Variants in SLC25A25 observed in about 807,000 individuals in gnomAD.
SLC25A25 encodes the protein mitochondrial adenyl nucleotide antiporter SLC25A25.
Under a neutral mutation model 57.7 loss-of-function variants are expected in SLC25A25, and 32 were observed. The ratio of observed to expected loss-of-function variants is 0.55; its 90% confidence interval spans 0.42 to 0.74. SLC25A25 has a LOEUF of 0.74. SLC25A25 is among the 30% of genes least tolerant of loss of function. The pLI, the probability that SLC25A25 is intolerant of heterozygous loss-of-function variation, is 0.00. For missense variants in SLC25A25, 556 were observed against 701.3 expected (o/e 0.79, Z 2.34); for synonymous variants, 306 against 291.2 (o/e 1.05, Z -0.52).
intron 1 of SLC25A25, among the ~76,000 whole-genome samples, chr9:128,083,941 T>A (rs1468596168): frequency 6.6e-6 from 1 of 152,212 alleles, no homozygotes; most frequent in Non-Finnish European, 1.5e-5. Flanking sequence ...TAAGACTCCC[T>A]TGGGCATCTC....
At chr9:128,091,313 C>A in intron 1 of SLC25A25, 2 of 463,090 alleles carry the variant, frequency 4.3e-6, no homozygotes, top group Non-Finnish European at 5.7e-6. Context: ...TGCAGAATTG[C>A]CGGGCTTCAT....
chr9:128,078,637 C>T (rs760712812), intron 1 of SLC25A25, among the ~76,000 whole-genome samples: 13 of 152,210 alleles, frequency 8.5e-5, no homozygotes, highest in Non-Finnish European at 1.6e-4. Flanking sequence ...TCTCAGAAGC[C>T]GTGGATCGTC....
Position 128,099,294 on chromosome 9 carries a change from G to A in SLC25A25, c.262-1802G>A. 7.8e-7 allele frequency: 1 copy of A among 1,282,754 alleles called. No individual in the cohort carries two copies. Among genetic ancestry groups the A allele is most frequent in the Non-Finnish European group, 1.0e-6 (1 of 986,402 alleles). The allele number at this position is 1,282,754 out of a possible 1,614,324, so 79.5% of individuals were successfully genotyped here. On this transcript the variant is annotated intron_variant, in intron 1 of 10. Coordinates refer to ENST00000373069, the MANE Select transcript of SLC25A25 (RefSeq NM_001330988.2). This position sits in a 1 kb window ranked among gnomAD's most constrained non-coding sequence, Gnocchi z 6.8. ...CCCCAGTGCCCACTGTGCACCAAGG[G>A]GGATTTGCAGATCCAAGGAAGGAGA...
intron 1 of SLC25A25, chr9:128,098,802 A>G: frequency 1.3e-6 from 2 of 1,555,230 alleles, no homozygotes; most frequent in Non-Finnish European, 1.7e-6. Context: ...GCATGCATGA[A>G]CCATCCCCCA....
chr9:128,075,737 G>A (rs1292881526), intron 1 of SLC25A25, among the ~76,000 whole-genome samples: 5 of 152,002 alleles, frequency 3.3e-5, no homozygotes, highest in Non-Finnish European at 5.9e-5. Context: ...CCAGCTACTC[G>A]GGAGGCTGAG....
chr9:128,105,273 C>T (rs753364034), intron 6 of SLC25A25, among the ~76,000 whole-genome samples: 24 of 149,078 alleles, frequency 1.6e-4, no homozygotes, highest in Admixed American at 4.1e-4. Flanking sequence ...CGGATTCAAG[C>T]GATTCTCCTG....
rs1475263132 is a variant in SLC25A25 at position 128,108,303 on chromosome 9, C to T, written c.*859C>T. 8 of 398,912 alleles carry T rather than the reference C, an allele frequency of 2.0e-5. No individual in the cohort carries two copies. Among genetic ancestry groups the T allele is most frequent in the Admixed American group, 4.4e-5 (1 of 22,710 alleles). The allele number at this position is 398,912 out of a possible 1,614,324, so 24.7% of individuals were successfully genotyped here. A position where few individuals can be genotyped will look rare whatever the true frequency, so the allele number is the denominator to read the frequency against. ...GGAGGGAAGGAAAAGGTGTTGGAGGCCTTAATTATGGACTGTTGGGAAAAG... is the reference window on the plus strand; with the variant it reads ...GGAGGGAAGGAAAAGGTGTTGGAGGTCTTAATTATGGACTGTTGGGAAAAG... On this transcript the variant is annotated 3_prime_UTR_variant, in exon 11 of 11. Coordinates refer to ENST00000373069, the MANE Select transcript of SLC25A25 (RefSeq NM_001330988.2).
chr9:128,092,619 G>A (rs540489542), intron 1 of SLC25A25, among the ~76,000 whole-genome samples: 6 of 152,206 alleles, frequency 3.9e-5, no homozygotes, highest in African/African-American at 9.6e-5. Flanking sequence ...GTCATGAGGC[G>A]CAGAGGCTGG....
chr9:128,104,828 A>G (rs1035842229), intron 6 of SLC25A25, among the ~76,000 whole-genome samples: 1 of 107,778 alleles, frequency 9.3e-6, no homozygotes, highest in African/African-American at 3.6e-5. Context: ...TTTGATTTTT[A>G]AAAATTATTA....
intron 1 of SLC25A25, among the ~76,000 whole-genome samples, chr9:128,079,549 A>G (rs1307751142): frequency 1.4e-5 from 2 of 146,388 alleles, no homozygotes; most frequent in African/African-American, 5.1e-5. Flanking sequence ...ACTTGAGGTC[A>G]GGAGTTCGAG....
At position 128,103,779 on chromosome 9, in the gene SLC25A25, G is replaced by A; in HGVS notation, c.723G>A (p.Gly241=). 6.2e-7 allele frequency: 1 copy of A among 1,613,892 alleles called. No homozygotes were observed. The highest frequency in any genetic ancestry group is 8.5e-7 in the Non-Finnish European group (1 of 1,179,916). ...GGAGACACCTGGTGGCAGGAGGTGGGGCAGGGGCCGTATCCAGAACCTGCA... is the reference window on the plus strand; with the variant it reads ...GGAGACACCTGGTGGCAGGAGGTGGAGCAGGGGCCGTATCCAGAACCTGCA... ...MWWRHLVAGG[G]AGAVSRTCTA... The change falls in exon 6 of 11, where the codon GGG becomes GGA. Residue 241 remains glycine, a synonymous_variant. Coordinates refer to ENST00000373069, the MANE Select transcript of SLC25A25 (RefSeq NM_001330988.2). The surrounding 1 kb of genome is among the most constrained non-coding windows in gnomAD (Gnocchi z 6.7).
Position 128,095,847 on chromosome 9 carries a change from C to T in SLC25A25, c.262-5249C>T, listed in dbSNP as rs1308425138. On this transcript the variant is annotated intron_variant, in intron 1 of 10. Transcript: ENST00000373069. This position sits in a 1 kb window ranked among gnomAD's most constrained non-coding sequence, Gnocchi z 4.4. ...GAAAAAAGAAGAAGAATACAGGTTT[C>T]ACTTTTATTTAGTATCATTTTCAAA... Among the ~76,000 whole-genome samples the T allele has an allele frequency of 2.0e-5, 3 of 152,088 alleles. No homozygotes were observed. The highest frequency in any genetic ancestry group is 2.0e-4 in the Admixed American group (3 of 15,264).
intron 1 of SLC25A25, chr9:128,091,802 G>T: frequency 1.3e-6 from 2 of 1,530,946 alleles, no homozygotes. Context: ...TAGCCAGAGA[G>T]CGTTGGTACT....
intron 1 of SLC25A25, among the ~76,000 whole-genome samples, chr9:128,080,196 A>C (rs1398743337): frequency 6.0e-5 from 9 of 150,474 alleles, no homozygotes; most frequent in African/African-American, 9.8e-5. Context: ...ACGCCACTGC[A>C]CTCCAGTCGG....
At chr9:128,105,565 C>T (rs926321679) in intron 6 of SLC25A25, among the ~76,000 whole-genome samples, 164 bp from the exon 7 acceptor site, 2 of 152,202 alleles carry the variant, frequency 1.3e-5, no homozygotes, top group Non-Finnish European at 2.9e-5. Context: ...CTCACTTAGC[C>T]GTGTTGGGTT....
chr9:128,106,321 T>A (rs1290874447), intron 8 of SLC25A25, 32 bp from the exon 9 acceptor site: 1 of 1,613,678 alleles, frequency 6.2e-7, no homozygotes, highest in South Asian at 1.1e-5. Flanking sequence ...GCACAGGCTG[T>A]GCTCACGCGT....
intron 9 of SLC25A25, 121 bp from the exon 10 acceptor site, chr9:128,106,908 C>T (rs1476331185): frequency 9.4e-6 from 12 of 1,272,642 alleles, no homozygotes; most frequent in Non-Finnish European, 1.2e-5. Flanking sequence ...GGCTAGGAGC[C>T]CAGCCAGGCC....
chr9:128,101,012 C>A lies in SLC25A25; in HGVS notation c.262-84C>A, dbSNP rs1211872315. On this transcript the variant is annotated intron_variant, in intron 1 of 10. Coordinates refer to ENST00000373069, the MANE Select transcript of SLC25A25 (RefSeq NM_001330988.2). The surrounding 1 kb of genome is among the most constrained non-coding windows in gnomAD (Gnocchi z 4.9). ...CAGCTCTGCTCGCAATTAGTGAAGTCATTGCCTGGGGATGGGGCCCCACAA... is the reference window on the plus strand; with the variant it reads ...CAGCTCTGCTCGCAATTAGTGAAGTAATTGCCTGGGGATGGGGCCCCACAA... The A allele has an allele frequency of 7.6e-6, 12 of 1,575,342 alleles. No individual in the cohort carries two copies. In the Admixed American group the frequency reaches 1.9e-4, roughly 25 times the overall value.
intron 1 of SLC25A25, among the ~76,000 whole-genome samples, chr9:128,075,372 A>ATTTT: frequency 6.6e-6 from 1 of 151,996 alleles, no homozygotes; most frequent in East Asian, 1.9e-4. Flanking sequence ...AACTAGATGA[A>ATTTT]TTTTTTTGAT....
Sources: gnomAD v4.1 joint callset for allele counts (sites outside exome capture counted in the v4.1 genomes callset) on GRCh38, gnomAD v4.1.1 for gene constraint, Gnocchi (gnomAD v3.1) non-coding constraint, MANE v1.5 for transcripts, NCBI Gene and HGNC (gene_info 2026-07-23, HGNC 2026-07-21) for gene names.